Variants in FBN2 observed in about 807,000 individuals in gnomAD.
The protein encoded by FBN2 is fibrillin-2.
A neutral mutation model predicts 355.6 loss-of-function variants in FBN2; 105 were observed. That is an observed-to-expected ratio of 0.30 (90% CI 0.25 to 0.35). The LOEUF is 0.35. FBN2 is among the 10% of genes least tolerant of loss of function. FBN2 has a pLI of 1.00. For synonymous variants in FBN2, 1,350 were observed against 1,301.2 expected, an observed-to-expected ratio of 1.04 and a Z score of -0.81; for missense variants, 3,280 against 3,758.7, an observed-to-expected ratio of 0.87 and a Z score of 3.33.
At chr5:128,520,668 G>A (rs187650241) in intron 4 of FBN2, among the ~76,000 whole-genome samples, 10 of 152,274 alleles carry the variant, frequency 6.6e-5, no homozygotes, top group African/African-American at 2.4e-4. Flanking sequence ...ATGGTCAGAA[G>A]ACTAAAACGC....
intron 25 of FBN2, among the ~76,000 whole-genome samples, chr5:128,341,043 T>C (rs544391449): frequency 6.6e-6 from 1 of 152,136 alleles, no homozygotes; most frequent in South Asian, 2.1e-4. Flanking sequence ...ACAATGAGTG[T>C]GGGTACAGGA....
chr5:128,296,536 A>G (rs1419628439), intron 48 of FBN2, among the ~76,000 whole-genome samples: 9 of 151,990 alleles, frequency 5.9e-5, no homozygotes, highest in African/African-American at 2.2e-4. Context: ...GTCTATTCAG[A>G]GATTCAACTT....
At chr5:128,265,871 G>A (rs996109398) in intron 62 of FBN2, among the ~76,000 whole-genome samples, 6 of 152,182 alleles carry the variant, frequency 3.9e-5, no homozygotes, top group African/African-American at 1.4e-4. Context: ...TAGGTTTACA[G>A]TTTTGCCTGT....
At chr5:128,351,605 T>G (rs1343843963) in intron 20 of FBN2, among the ~76,000 whole-genome samples, 2 of 152,110 alleles carry the variant, frequency 1.3e-5, no homozygotes, top group Non-Finnish European at 2.9e-5. Context: ...TTCATGTACC[T>G]GCATTCAAAT....
intron 8 of FBN2, among the ~76,000 whole-genome samples, chr5:128,405,010 A>G (rs1259014116): frequency 3.3e-5 from 5 of 152,120 alleles, no homozygotes; most frequent in African/African-American, 1.2e-4. Context: ...TGTCTCTACT[A>G]AAAATACAAA....
chr5:128,297,135 T>C (rs1001853672), intron 48 of FBN2, among the ~76,000 whole-genome samples: 24 of 152,270 alleles, frequency 1.6e-4, no homozygotes, highest in South Asian at 4.2e-4. Context: ...AGTTTCCATG[T>C]AGTTGAGCGG....
chr5:128,437,841 G>T (rs1024692547), intron 7 of FBN2, among the ~76,000 whole-genome samples: 1 of 151,922 alleles, frequency 6.6e-6, no homozygotes, highest in Non-Finnish European at 1.5e-5. Flanking sequence ...CAGACAGAAA[G>T]ACAGGAGAAA....
chr5:128,466,946 A>G (rs1338392715), intron 5 of FBN2, among the ~76,000 whole-genome samples: 1 of 152,198 alleles, frequency 6.6e-6, no homozygotes, highest in African/African-American at 2.4e-5. Context: ...TATAAGTTAT[A>G]TCAAGTTCTG....
intron 6 of FBN2, among the ~76,000 whole-genome samples, chr5:128,453,997 C>T (rs560853318): frequency 6.6e-5 from 10 of 151,428 alleles, no homozygotes; most frequent in South Asian, 4.2e-4. Context: ...CTTGCCCCCC[C>T]CCCAAGTTTC....
intron 8 of FBN2, among the ~76,000 whole-genome samples, chr5:128,405,843 C>T (rs1752911616): frequency 6.6e-6 from 1 of 152,138 alleles, no homozygotes; most frequent in African/African-American, 2.4e-5. Flanking sequence ...TCCAGAACTT[C>T]ACAATAATAA....
chr5:128,305,073 T>C lies in FBN2; in HGVS notation c.5684A>G (p.Glu1895Gly), dbSNP rs1417599373. Reference sequence around the variant, plus strand: ...GCAAACGTTAGGAATTTCTAAACATTCATTGCGATCTAAAACAGAAAAAAA... The same window carrying C: ...GCAAACGTTAGGAATTTCTAAACATCCATTGCGATCTAAAACAGAAAAAAA... The part of the protein sequence containing the change: ...SPNGACVDRN[E>G]CLEIPNVCSH... Residue 1895 changes from glutamate (E) to glycine (G), a missense_variant, in exon 45 of 65, where the codon GAA becomes GGA. By Grantham distance (98) the Glu-to-Gly change is moderately conservative (BLOSUM62 -2). Around this residue, in one of 6 missense-constraint regions of FBN2, gnomAD observed 2,284 missense variants for 2,749.5 expected, o/e 0.83. Transcript: ENST00000262464. 6.2e-7 allele frequency: 1 copy of C among 1,610,732 alleles called. No individual in the cohort carries two copies. The highest frequency in any genetic ancestry group is 8.5e-7 in the Non-Finnish European group (1 of 1,177,968).
At chr5:128,279,749 A>T (rs927067561) in intron 56 of FBN2, among the ~76,000 whole-genome samples, 1 of 152,166 alleles carries the variant, frequency 6.6e-6, no homozygotes, top group African/African-American at 2.4e-5. Context: ...TGAGATGTAT[A>T]TTTCCCATAA....
At chr5:128,348,558 T>C (rs1751247691) in intron 23 of FBN2, among the ~76,000 whole-genome samples, 1 of 152,100 alleles carries the variant, frequency 6.6e-6, no homozygotes, top group Admixed American at 6.5e-5. Flanking sequence ...GTAAATACTT[T>C]AAAGGTGATT....
intron 17 of FBN2, 21 bp downstream of exon 17, chr5:128,366,356 G>A: frequency 7.0e-7 from 1 of 1,430,824 alleles, no homozygotes; most frequent in South Asian, 1.2e-5. Context: ...TTATTATAAA[G>A]TTGAGATTAA....
intron 34 of FBN2, among the ~76,000 whole-genome samples, chr5:128,319,673 G>T (rs1292963897): frequency 6.6e-6 from 1 of 151,926 alleles, no homozygotes; most frequent in Non-Finnish European, 1.5e-5. Context: ...CCACATTCTA[G>T]TAAATTTCAT....
chr5:128,456,997 AC>A (rs2127073302), intron 6 of FBN2, among the ~76,000 whole-genome samples: 1 of 152,310 alleles, frequency 6.6e-6, no homozygotes, highest in East Asian at 1.9e-4. Flanking sequence ...GTAACAAAAA[AC>A]TATGATGAGC....
intron 55 of FBN2, among the ~76,000 whole-genome samples, chr5:128,286,104 G>T (rs17676426): frequency 0.079 from 12,060 of 152,148 alleles, 636 homozygotes; most frequent in Non-Finnish European, 0.12. Context: ...AACAGATCTT[G>T]GAAGAATAGT....
rs1561422125 is a variant in FBN2 at position 128,369,281 on chromosome 5, GCA to G, written c.2147_2148del (p.Val716AlafsTer35). On this transcript the variant is annotated frameshift_variant, in exon 16 of 65. Coordinates refer to ENST00000262464, the MANE Select transcript of FBN2 (RefSeq NM_001999.4). LOFTEE classifies it high-confidence loss of function. Reference sequence around the variant, plus strand: ...TTGGTCACTGCACCGGGGAAAGGACGCACACACACTCCTTTCTTGATTCCTCC... The same window carrying G: ...TTGGTCACTGCACCGGGGAAAGGACGCACACACTCCTTTCTTGATTCCTCC... The part of the protein sequence containing the change: ...CYGGIKKGVC[V>X]RPFPGAVTKS... The G allele has an allele frequency of 6.2e-7, 1 of 1,613,766 alleles. No homozygotes were observed. The highest frequency in any genetic ancestry group is 8.5e-7 in the Non-Finnish European group (1 of 1,179,722).
At chr5:128,375,792 T>C (rs2126955923) in intron 14 of FBN2, among the ~76,000 whole-genome samples, 1 of 152,204 alleles carries the variant, frequency 6.6e-6, no homozygotes, top group East Asian at 1.9e-4. Flanking sequence ...TCCCAGAACT[T>C]TGGGAGGCTG....
Sources: allele counts gnomAD v4.1 joint callset (sites outside exome capture counted in the v4.1 genomes callset), GRCh38; gene constraint gnomAD v4.1.1; regional missense constraint gnomAD v4.1.1; transcripts MANE v1.5; gene names NCBI Gene and HGNC (gene_info 2026-07-23, HGNC 2026-07-21).